Variants in PRDM2 observed in about 807,000 individuals in gnomAD.
PRDM2 encodes the protein PR/SET domain 2.
Under a neutral mutation model 130.0 loss-of-function variants are expected in PRDM2, and 30 were observed. That is an observed-to-expected ratio of 0.23 (90% CI 0.17 to 0.31). The LOEUF (loss-of-function observed/expected upper bound fraction) is 0.31. Ranked by LOEUF, PRDM2 falls within the 10% of genes least tolerant of loss-of-function variation. The pLI is 1.00. For synonymous variants in PRDM2, 871 were observed against 782.4 expected, an observed-to-expected ratio of 1.11 and a Z score of -1.89; for missense variants, 2,011 against 2,108.4, an observed-to-expected ratio of 0.95 and a Z score of 0.90.
In PRDM2 at chr1:13,781,884, G is replaced by A. The variant is rs1644620721; in HGVS notation, c.4089G>A (p.Arg1363=). 8 of 1,613,978 alleles carry A rather than the reference G, an allele frequency of 5.0e-6. No homozygotes were observed. Among genetic ancestry groups the A allele is most frequent in the Non-Finnish European group, 5.9e-6 (7 of 1,180,036 alleles). ...LACASASDKK[R]YTPKKNPVPL... ...GTGCTTCTGCAAGTGACAAGAAGAG[G>A]TACACGCCTAAGAAAAACCCAGTAC... Residue 1363 remains arginine (R), a synonymous_variant, in exon 8 of 10, where the codon AGG becomes AGA. Transcript: ENST00000311066. The surrounding 1 kb of genome is among the most constrained non-coding windows in gnomAD (Gnocchi z 6.1).
At position 13,779,613 on chromosome 1, in the gene PRDM2, A is replaced by G; in HGVS notation, c.1818A>G (p.Thr606=). Residue 606 remains threonine, a synonymous_variant, in exon 8 of 10, where the codon ACA becomes ACG. Coordinates refer to ENST00000311066, the MANE Select transcript of PRDM2 (RefSeq NM_001393986.1). The surrounding 1 kb of genome is among the most constrained non-coding windows in gnomAD (Gnocchi z 4.9). The part of the protein sequence containing the change: ...YGINCLLTPV[T]VEITQNIKTT... Reference sequence around the variant, plus strand: ...TAAATTGTCTGCTCACTCCAGTTACAGTGGAAATTACTCAAAATATAAAGA... The same window carrying G: ...TAAATTGTCTGCTCACTCCAGTTACGGTGGAAATTACTCAAAATATAAAGA... 2.5e-6 allele frequency: 4 copies of G among 1,614,104 alleles called. No individual in the cohort carries two copies. The highest frequency in any genetic ancestry group is 3.4e-6 in the Non-Finnish European group (4 of 1,179,960).
chr1:13,752,915 A>G (rs1436913026), intron 6 of PRDM2, among the ~76,000 whole-genome samples: 2 of 152,230 alleles, frequency 1.3e-5, no homozygotes, highest in Non-Finnish European at 2.9e-5. Flanking sequence ...AGAGCAAGTG[A>G]GATAATAGAA....
In PRDM2 at chr1:13,779,374, C is replaced by G; in HGVS notation, c.1579C>G (p.Pro527Ala). Residue 527 changes from proline to alanine, a missense_variant, in exon 8 of 10, where the codon CCA becomes GCA. Pro to Ala is a conservative substitution (Grantham distance 27). Around this residue, in one of 5 missense-constraint regions of PRDM2, gnomAD observed 1,288 missense variants for 1,237.7 expected, o/e 1.04. Coordinates refer to ENST00000311066, the MANE Select transcript of PRDM2 (RefSeq NM_001393986.1). The surrounding 1 kb of genome is among the most constrained non-coding windows in gnomAD (Gnocchi z 4.9). ...AGGAGGCCTTGAAGAGCCCCAGCCTCCAGCAGAACAGGCCCAGGCCACCCA... is the reference window on the plus strand; with the variant it reads ...AGGAGGCCTTGAAGAGCCCCAGCCTGCAGCAGAACAGGCCCAGGCCACCCA... ...RKGGLEEPQPPAEQAQATQNV... is the reference protein window; with the variant it reads ...RKGGLEEPQPAAEQAQATQNV... 6.2e-7 allele frequency: 1 copy of G among 1,614,138 alleles called. No individual in the cohort carries two copies.
chr1:13,766,446 A>G lies in PRDM2; in HGVS notation c.512-6632A>G, dbSNP rs1008713864. Among the ~76,000 whole-genome samples the G allele has an allele frequency of 2.6e-5, 4 of 152,362 alleles. No homozygotes were observed. In the South Asian group the frequency reaches 6.2e-4, roughly 24 times the overall value. On this transcript the variant is annotated intron_variant, in intron 6 of 9. Transcript: ENST00000311066. ...TGAAGAACTGTTGGGTTTTGTAATT[A>G]TGGTATTAGTGATAGCCATGGGAAT...
At position 13,773,239 on chromosome 1, in the gene PRDM2, G is replaced by T. The variant is rs114860296; in HGVS notation, c.622+51G>T. 1.1e-3 allele frequency: 1,201 copies of T among 1,060,010 alleles called. 13 individuals are homozygous for T. The African/African-American group carries it at 0.018, about 16-fold the overall frequency. The allele number at this position is 1,060,010 out of a possible 1,614,324, so 65.7% of individuals were successfully genotyped here. On this transcript the variant is annotated intron_variant, in intron 7 of 9. Transcript: ENST00000311066. ...TGAATTGGGTGTGTATGTACCCAGTGAATTTAACTTTGTATCTCTTTATAT... is the reference window on the plus strand; with the variant it reads ...TGAATTGGGTGTGTATGTACCCAGTTAATTTAACTTTGTATCTCTTTATAT...
At chr1:13,702,886 TGGG>T (rs1287571415) in intron 1 of PRDM2, among the ~76,000 whole-genome samples, 1 of 152,056 alleles carries the variant, frequency 6.6e-6, no homozygotes, top group Non-Finnish European at 1.5e-5. Flanking sequence ...GGTTGATGGT[TGGG>T]GGAAAATCGT....
At position 13,779,453 on chromosome 1, in the gene PRDM2, T is replaced by A; in HGVS notation, c.1658T>A (p.Val553Glu). ...EPEEEGEADD[V>E]YIMDISSNIS... Reference sequence around the variant, plus strand: ...GAGGAGGAAGGGGAAGCAGATGATGTGTACATCATGGACATTTCTAGCAAT... The same window carrying A: ...GAGGAGGAAGGGGAAGCAGATGATGAGTACATCATGGACATTTCTAGCAAT... Residue 553 changes from valine (V) to glutamate (E), a missense_variant, in exon 8 of 10, where the codon GTG (valine) becomes GAG (glutamate). By Grantham distance (121) the Val-to-Glu change is moderately radical (BLOSUM62 -2). This residue lies in a region of PRDM2 where 1,288 missense variants were observed against 1,237.7 expected (regional missense o/e 1.04). Transcript: ENST00000311066. The surrounding 1 kb of genome is among the most constrained non-coding windows in gnomAD (Gnocchi z 4.9). 6.2e-7 allele frequency: 1 copy of A among 1,614,174 alleles called. No homozygotes were observed. Among genetic ancestry groups the A allele is most frequent in the Non-Finnish European group, 8.5e-7 (1 of 1,180,032 alleles).
intron 6 of PRDM2, chr1:13,770,222 G>A (rs1216812729): frequency 7.7e-6 from 3 of 388,206 alleles, no homozygotes; most frequent in Non-Finnish European, 1.0e-5. Flanking sequence ...GGGAGTTCTC[G>A]CTGATTAGGT....
intron 6 of PRDM2, among the ~76,000 whole-genome samples, chr1:13,763,293 G>A (rs1212431858): frequency 1.3e-5 from 2 of 152,182 alleles, no homozygotes; most frequent in Non-Finnish European, 2.9e-5. Flanking sequence ...GTGGCTGTTT[G>A]GAAAGAGGAA....
At position 13,771,391 on chromosome 1, in the gene PRDM2, C is replaced by T. The variant is rs1226456704; in HGVS notation, c.512-1687C>T. Among the ~76,000 whole-genome samples, 1 of 152,186 alleles carries T rather than the reference C, an allele frequency of 6.6e-6. No homozygotes were observed. The highest frequency in any genetic ancestry group is 2.4e-5 in the African/African-American group (1 of 41,428). On this transcript the variant is annotated intron_variant, in intron 6 of 9. Transcript: ENST00000311066. This position sits in a 1 kb window ranked among gnomAD's most constrained non-coding sequence, Gnocchi z 4.1. Reference sequence around the variant, plus strand: ...TATCAGGAATTTATTTGCTCAAACCCTGATAAACGTAGTGGCAAAAACATC... The same window carrying T: ...TATCAGGAATTTATTTGCTCAAACCTTGATAAACGTAGTGGCAAAAACATC...
Position 13,779,625 on chromosome 1 carries a change from T to C in PRDM2, c.1830T>C (p.Thr610=). The C allele has an allele frequency of 1.9e-6, 3 of 1,613,968 alleles. No individual in the cohort carries two copies. The highest frequency in any genetic ancestry group is 2.5e-6 in the Non-Finnish European group (3 of 1,179,928). ...CLLTPVTVEI[T]QNIKTTQVPV... Reference sequence around the variant, plus strand: ...TCACTCCAGTTACAGTGGAAATTACTCAAAATATAAAGACCACACAGGTCC... The same window carrying C: ...TCACTCCAGTTACAGTGGAAATTACCCAAAATATAAAGACCACACAGGTCC... Residue 610 remains threonine, a synonymous_variant, in exon 8 of 10, where the codon ACT becomes ACC. Transcript: ENST00000311066. This position sits in a 1 kb window ranked among gnomAD's most constrained non-coding sequence, Gnocchi z 4.9.
chr1:13,717,960 C>A (rs1200206705), intron 2 of PRDM2, among the ~76,000 whole-genome samples: 1 of 152,080 alleles, frequency 6.6e-6, no homozygotes, highest in Non-Finnish European at 1.5e-5. Context: ...TAGTTATATG[C>A]TGTTTAGACC....
intron 1 of PRDM2, among the ~76,000 whole-genome samples, chr1:13,709,922 C>G (rs1252789127): frequency 6.6e-6 from 1 of 152,134 alleles, no homozygotes; most frequent in African/African-American, 2.4e-5. Context: ...AGTTACTCCT[C>G]CCTCCCTGCC....
intron 2 of PRDM2, among the ~76,000 whole-genome samples, chr1:13,724,239 C>T (rs989693666): frequency 2.6e-5 from 4 of 152,292 alleles, no homozygotes; most frequent in East Asian, 1.9e-4. Flanking sequence ...GGAGCCTAAA[C>T]GGGCATTGAC....
chr1:13,749,526 A>G (rs1643740900), intron 6 of PRDM2, 39 bp downstream of exon 6: 13 of 1,213,608 alleles, frequency 1.1e-5, no homozygotes, highest in Non-Finnish European at 1.4e-5. Context: ...CCCCGGCGCC[A>G]CGCCCGCCCA....
intron 2 of PRDM2, among the ~76,000 whole-genome samples, 195 bp from the exon 3 acceptor site, chr1:13,730,805 G>C (rs2100468830): frequency 6.6e-6 from 1 of 152,066 alleles, no homozygotes; most frequent in Admixed American, 6.6e-5. Context: ...AGGTTGCAGT[G>C]GTTTCCTTTG....
intron 1 of PRDM2, among the ~76,000 whole-genome samples, chr1:13,713,826 C>T (rs1642448002): frequency 6.6e-6 from 1 of 152,122 alleles, no homozygotes; most frequent in Admixed American, 6.5e-5. Flanking sequence ...CAGGTGTGCA[C>T]ATCTGAGGGA....
chr1:13,734,297 C>T (rs1643201175), intron 4 of PRDM2, among the ~76,000 whole-genome samples: 1 of 152,150 alleles, frequency 6.6e-6, no homozygotes, highest in Non-Finnish European at 1.5e-5. Flanking sequence ...CCCAAATAAA[C>T]TGCATTTTTA....
chr1:13,799,872 A>G (rs61560276), intron 8 of PRDM2, among the ~76,000 whole-genome samples: 2,627 of 152,342 alleles, frequency 0.017, 81 homozygotes, highest in African/African-American at 0.059. Flanking sequence ...TTGCAGTCCA[A>G]CAAGGTGTGG....
Sources: gnomAD v4.1 joint callset for allele counts (sites outside exome capture counted in the v4.1 genomes callset) on GRCh38, gnomAD v4.1.1 for gene constraint, gnomAD v4.1.1 regional missense constraint, Gnocchi (gnomAD v3.1) non-coding constraint, MANE v1.5 for transcripts, NCBI Gene and HGNC (gene_info 2026-07-23, HGNC 2026-07-21) for gene names.